Variants in TENM1 observed in about 807,000 individuals in gnomAD.
TENM1 encodes the protein teneurin transmembrane protein 1, also known as teneurin-1.
A neutral mutation model predicts 174.8 loss-of-function variants in TENM1; 35 were observed. The ratio of observed to expected loss-of-function variants is 0.20; its 90% CI spans 0.15 to 0.27. The LOEUF (loss-of-function observed/expected upper bound fraction) is 0.27. Among genes scored for constraint, TENM1 ranks in the 10% least tolerant of loss-of-function variants. TENM1 has a pLI of 1.00. For missense variants in TENM1, 1,633 were observed against 2,130.1 expected (o/e 0.77, Z 4.59); for synonymous variants, 781 against 798.7 (o/e 0.98, Z 0.37).
chrX:124,395,197 G>T (rs1175382488), intron 27 of TENM1, among the ~76,000 whole-genome samples: 2 of 111,667 alleles, frequency 1.8e-5, no homozygotes, highest in African/African-American at 6.5e-5. Flanking sequence ...GTGGGAAAAT[G>T]ATATGCTGCT....
intron 3 of TENM1, among the ~76,000 whole-genome samples, chrX:124,808,758 T>C (rs1330403900): frequency 2.7e-5 from 3 of 111,772 alleles, no homozygotes; most frequent in East Asian, 2.8e-4. Flanking sequence ...AAAAGGGCAA[T>C]TTAAAATTTT....
Position 124,834,604 on chromosome X carries a change from A to C in TENM1, c.535+59692T>G, listed in dbSNP as rs893531517. On this transcript the variant is annotated intron_variant, in intron 3 of 31. Transcript: ENST00000422452. ...AGGGCAACTTGGATCTATGCTCCCAAGTGCAACCCTCAAGCTTGGCCCAAA... is the reference window on the plus strand; with the variant it reads ...AGGGCAACTTGGATCTATGCTCCCACGTGCAACCCTCAAGCTTGGCCCAAA... Among the ~76,000 whole-genome samples, 4 of 112,026 alleles carry C rather than the reference A, an allele frequency of 3.6e-5. No homozygotes were observed. The Admixed American group carries it at 3.8e-4, about 11-fold the overall frequency.
intron 1 of TENM1, among the ~76,000 whole-genome samples, chrX:124,951,673 T>TATATATATATATATATATATATATA (rs767583231): frequency 1.5e-5 from 1 of 66,078 alleles, no homozygotes; most frequent in Non-Finnish European, 2.8e-5. Context: ...TATATATATA[T>TATATATATATATATATATATATATA]AACAATCAAT....
In TENM1 at chrX:124,686,686, T is replaced by C. The variant is rs145438996; in HGVS notation, c.1016-14851A>G. ...GACAAAAACCATGTGATTATCTCAA[T>C]AGATGCAGAAAAGGCCTTCAATAAA... On this transcript the variant is annotated intron_variant, in intron 5 of 31. Coordinates refer to ENST00000422452, the Ensembl canonical transcript of TENM1. Among the ~76,000 whole-genome samples the C allele has an allele frequency of 9.5e-3, 1,067 of 112,110 alleles. 10 individuals are homozygous for C. Among genetic ancestry groups the C allele is most frequent in the African/African-American group, 0.033 (1,004 of 30,859 alleles).
chrX:124,804,831 C>A (rs1333977192), intron 3 of TENM1, among the ~76,000 whole-genome samples: 1 of 111,641 alleles, frequency 9.0e-6, no homozygotes, highest in Non-Finnish European at 1.9e-5. Flanking sequence ...TGCTTGGTAT[C>A]CTCAGTGTTA....
chrX:124,829,043 A>G (rs997342536), intron 3 of TENM1, among the ~76,000 whole-genome samples: 2 of 111,951 alleles, frequency 1.8e-5, no homozygotes, highest in African/African-American at 6.5e-5. Flanking sequence ...CACTCTTCCC[A>G]CACACATATG....
At chrX:125,128,895 T>G in the TENM1 span, among the ~76,000 whole-genome samples, 1 of 111,832 alleles carries the variant, frequency 8.9e-6, no homozygotes, top group East Asian at 2.8e-4. Context: ...AATGCTTGTG[T>G]TTCCCCCAAA....
At chrX:124,627,925 T>C (rs910348929) in intron 11 of TENM1, among the ~76,000 whole-genome samples, 1 of 111,829 alleles carries the variant, frequency 8.9e-6, no homozygotes, top group Non-Finnish European at 1.9e-5. Context: ...AAACAGGTTA[T>C]CGTTAGGTAT....
At chrX:125,116,231 T>C in the TENM1 span, among the ~76,000 whole-genome samples, 1 of 111,836 alleles carries the variant, frequency 8.9e-6, no homozygotes, top group African/African-American at 3.3e-5. Context: ...TATACAAAAA[T>C]TAACTATAGA....
the TENM1 span, among the ~76,000 whole-genome samples, chrX:125,183,874 G>A: frequency 2.7e-5 from 3 of 111,704 alleles, no homozygotes; most frequent in African/African-American, 6.5e-5. Flanking sequence ...TCTTGATTCC[G>A]TATTGCATAT....
intron 11 of TENM1, among the ~76,000 whole-genome samples, chrX:124,600,957 T>C (rs972269152): frequency 8.9e-6 from 1 of 112,111 alleles, no homozygotes; most frequent in Non-Finnish European, 1.9e-5. Context: ...GTGAATTTCC[T>C]GTTTTCTATA....
At chrX:125,190,010 T>C in the TENM1 span, among the ~76,000 whole-genome samples, 1 of 111,923 alleles carries the variant, frequency 8.9e-6, no homozygotes, top group Non-Finnish European at 1.9e-5. Context: ...TATCTTTACA[T>C]CGCTATATAT....
intron 22 of TENM1, among the ~76,000 whole-genome samples, chrX:124,462,264 C>T (rs954410400): frequency 9.1e-6 from 1 of 110,408 alleles, no homozygotes; most frequent in East Asian, 2.8e-4. Flanking sequence ...TAGAGGACTC[C>T]AAGGCCTAAG....
chrX:125,102,953 C>A, the TENM1 span, among the ~76,000 whole-genome samples: 1 of 111,598 alleles, frequency 9.0e-6, no homozygotes, highest in Non-Finnish European at 1.9e-5. Flanking sequence ...AAACTTAAGC[C>A]AAAATTGTGA....
chrX:124,904,058 CGT>C, intron 1 of TENM1, among the ~76,000 whole-genome samples: 1 of 106,278 alleles, frequency 9.4e-6, no homozygotes, highest in South Asian at 3.9e-4. Flanking sequence ...TCAATGGGTG[CGT>C]GTGTGTGTGC....
intron 3 of TENM1, among the ~76,000 whole-genome samples, chrX:124,774,583 A>G (rs1270849987): frequency 9.0e-6 from 1 of 111,696 alleles, no homozygotes; most frequent in African/African-American, 3.3e-5. Flanking sequence ...ATTCATAGTT[A>G]GATTATCTAA....
chrX:124,547,380 TAA>T (rs2048454682), intron 14 of TENM1, among the ~76,000 whole-genome samples: 1 of 112,236 alleles, frequency 8.9e-6, no homozygotes, highest in Admixed American at 9.4e-5. Flanking sequence ...AGAGTTTGGG[TAA>T]ACAATTCTAT....
rs182266788 is a variant in TENM1 at position 124,419,667 on chromosome X, C to T, written c.4982+644G>A. ...TCCAGTCTATAAATGCCAAAATGTG[C>T]TGGATTATTCAACTTGTGCAGGGAC... is the stretch of plus-strand genomic sequence containing the variant. On this transcript the variant is annotated intron_variant, in intron 25 of 31. Coordinates refer to ENST00000422452, the Ensembl canonical transcript of TENM1. Among the ~76,000 whole-genome samples, 45 of 112,111 alleles carry T rather than the reference C, an allele frequency of 4.0e-4. No individual in the cohort carries two copies. In the East Asian group the frequency reaches 0.012, roughly 29 times the overall value.
At position 124,494,289 on chromosome X, in the gene TENM1, C is replaced by T. The variant is rs768245818; in HGVS notation, c.3695+2727G>A. Among the ~76,000 whole-genome samples, 9 of 110,833 alleles carry T rather than the reference C, an allele frequency of 8.1e-5. No individual in the cohort carries two copies. In the East Asian group the frequency reaches 2.6e-3, roughly 32 times the overall value. Reference sequence around the variant, plus strand: ...TATTTGTCAGGTCATTGAGGAGATGCCTGAAGAAAAAATTGTTTTATGGAA... The same window carrying T: ...TATTTGTCAGGTCATTGAGGAGATGTCTGAAGAAAAAATTGTTTTATGGAA... On this transcript the variant is annotated intron_variant, in intron 20 of 31. Transcript: ENST00000422452.
Sources: gnomAD v4.1 joint callset for allele counts (sites outside exome capture counted in the v4.1 genomes callset) on GRCh38, gnomAD v4.1.1 for gene constraint, MANE v1.5 for transcripts, NCBI Gene and HGNC (gene_info 2026-07-23, HGNC 2026-07-21) for gene names.